Variants in DSC3 observed in about 807,000 individuals in gnomAD.
The protein encoded by DSC3 is desmocollin 3.
Under a neutral mutation model 89.5 loss-of-function variants are expected in DSC3, and 97 were observed. That is an observed-to-expected ratio of 1.08 (90% CI 0.92 to 1.28). The LOEUF is 1.28. Ranked by LOEUF, DSC3 falls within the 50% of genes most tolerant of loss-of-function variation. DSC3 has a pLI of 0.00. For missense variants in DSC3, 1,199 were observed against 1,085.3 expected, an observed-to-expected ratio of 1.10 and a Z score of -1.47; for synonymous variants, 436 against 384.1, an observed-to-expected ratio of 1.14 and a Z score of -1.58.
rs1461191388 is a variant in DSC3 at position 30,992,803 on chromosome 18, G to A, written c.*1372C>T. 6.6e-6 allele frequency: 1 copy of A among 152,196 alleles called. No homozygotes were observed. The highest frequency in any genetic ancestry group is 1.5e-5 in the Non-Finnish European group (1 of 68,032). The allele number at this position is 152,196 out of a possible 1,614,324, so 9.4% of individuals were successfully genotyped here. A position where few individuals can be genotyped will look rare whatever the true frequency, so the allele number is the denominator to read the frequency against. On this transcript the variant is annotated 3_prime_UTR_variant, in exon 16 of 16. Transcript: ENST00000360428. ...GATTAAAAATTAATTCACGCTGAAG[G>A]ATGGTGGAAAACCTGGAGTCACTTA...
chr18:31,029,074 A>G (rs959921684), intron 4 of DSC3, among the ~76,000 whole-genome samples: 2 of 152,128 alleles, frequency 1.3e-5, no homozygotes, highest in Admixed American at 1.3e-4. Context: ...CTCAGGGTTT[A>G]ATGTTCATCT....
intron 5 of DSC3, 25 bp from the exon 6 acceptor site, chr18:31,024,518 C>T (rs1299679574): frequency 6.2e-7 from 1 of 1,608,570 alleles, no homozygotes; most frequent in Non-Finnish European, 8.5e-7. Context: ...AAAGAAAGTT[C>T]CATTAATATC....
At chr18:31,001,836 A>G in intron 13 of DSC3, 97 bp from the exon 14 acceptor site, 1 of 965,298 alleles carries the variant, frequency 1.0e-6, no homozygotes, top group Non-Finnish European at 1.5e-6. Context: ...AAAGTGGAAA[A>G]TAAATCCACT....
chr18:30,998,311 G>A (rs1984544140), intron 14 of DSC3, among the ~76,000 whole-genome samples: 1 of 152,110 alleles, frequency 6.6e-6, no homozygotes, highest in African/African-American at 2.4e-5. Flanking sequence ...CAAGGACAGA[G>A]TTAGAAATTA....
At position 31,041,042 on chromosome 18, in the gene DSC3, G is replaced by T. The variant is rs150652438; in HGVS notation, c.69+1550C>A. On this transcript the variant is annotated intron_variant, in intron 1 of 15. Transcript: ENST00000360428. ...TTAAACGAGTATGTGCTAGATCAAA[G>T]CTGAAGCTTCCTCCGTTTAGATTTA... 3.7e-3 allele frequency among the ~76,000 whole-genome samples: 567 copies of T among 152,098 alleles called. 1 individual carries two copies. The highest frequency in any genetic ancestry group is 5.6e-3 in the Non-Finnish European group (380 of 68,004).
rs1190898979 is a variant in DSC3, at chr18:30,994,108, A to G, written c.*67T>C. ...TCATATACATACATGTTGAAATTGA[A>G]CTTTACAATATTATTTTTGGAAACC... is the stretch of plus-strand genomic sequence containing the variant. On this transcript the variant is annotated 3_prime_UTR_variant, in exon 16 of 16. Coordinates refer to ENST00000360428, the MANE Select transcript of DSC3 (RefSeq NM_001941.5). 1.9e-5 allele frequency: 28 copies of G among 1,465,334 alleles called. No homozygotes were observed. Among genetic ancestry groups the G allele is most frequent in the Non-Finnish European group, 2.6e-5 (27 of 1,047,922 alleles). The allele number at this position is 1,465,334 out of a possible 1,614,324, so 90.8% of individuals were successfully genotyped here.
intron 12 of DSC3, among the ~76,000 whole-genome samples, chr18:31,005,565 C>T (rs1984810245): frequency 6.6e-6 from 1 of 152,186 alleles, no homozygotes; most frequent in Admixed American, 6.5e-5. Context: ...CTTACTAAAA[C>T]CTTCTAAACT....
In DSC3 at chr18:31,006,952, T is replaced by C; in HGVS notation, c.1843A>G (p.Thr615Ala). 6.2e-7 allele frequency: 1 copy of C among 1,613,928 alleles called. No homozygotes were observed. The highest frequency in any genetic ancestry group is 8.5e-7 in the Non-Finnish European group (1 of 1,179,920). The change falls in exon 12 of 16, where the codon ACT becomes GCT. Residue 615 changes from threonine (T) to alanine (A), a missense_variant. Thr to Ala is a moderately conservative substitution (Grantham distance 58). Coordinates refer to ENST00000360428, the MANE Select transcript of DSC3 (RefSeq NM_001941.5). ...GAPFYFSLPN[T>A]SPEISRLWSL... ...CACAGTCTACTGATTTCTGGAGAAGTATTGGGCAAACTGAAATAAAATGGA... is the reference window on the plus strand; with the variant it reads ...CACAGTCTACTGATTTCTGGAGAAGCATTGGGCAAACTGAAATAAAATGGA...
intron 14 of DSC3, 112 bp downstream of exon 14, chr18:31,001,506 G>T: frequency 7.9e-7 from 1 of 1,270,798 alleles, no homozygotes; most frequent in Non-Finnish European, 1.1e-6. Flanking sequence ...CTATGCCTAT[G>T]AAATCTGATT....
intron 7 of DSC3, among the ~76,000 whole-genome samples, chr18:31,021,738 A>G (rs1013485082): frequency 3.3e-5 from 5 of 152,194 alleles, no homozygotes; most frequent in African/African-American, 9.6e-5. Context: ...CAAGTCAATC[A>G]ATGTTTCTGT....
At chr18:31,025,541 C>G (rs1318972409) in intron 5 of DSC3, among the ~76,000 whole-genome samples, 1 of 152,080 alleles carries the variant, frequency 6.6e-6, no homozygotes, top group Non-Finnish European at 1.5e-5. Flanking sequence ...AATTTATGTT[C>G]AAATATTGAA....
At chr18:31,014,572 C>A (rs1041637998) in intron 9 of DSC3, among the ~76,000 whole-genome samples, 2 of 152,026 alleles carry the variant, frequency 1.3e-5, no homozygotes, top group African/African-American at 4.8e-5. Flanking sequence ...AATAAAGAAT[C>A]TATTGACATT....
Position 30,994,332 on chromosome 18 carries a change from G to A in DSC3, c.2534C>T (p.Ser845Phe), listed in dbSNP as rs1211224287. The change falls in exon 16 of 16, where the codon TCC becomes TTC. Residue 845 changes from serine (S) to phenylalanine (F), a missense_variant. By Grantham distance (155) the Ser-to-Phe change is radical. Coordinates refer to ENST00000360428, the MANE Select transcript of DSC3 (RefSeq NM_001941.5). Reference sequence around the variant, plus strand: ...GTTATAAGTGAGGACATAATCTTGGGATGGCATGCGGTCTTCATTCTGATT... The same window carrying A: ...GTTATAAGTGAGGACATAATCTTGGAATGGCATGCGGTCTTCATTCTGATT... Reference protein sequence around the residue: ...RCNQNEDRMPSQDYVLTYNYE... With the variant: ...RCNQNEDRMPFQDYVLTYNYE... 6.2e-7 allele frequency: 1 copy of A among 1,614,046 alleles called. No homozygotes were observed. The highest frequency in any genetic ancestry group is 1.1e-5 in the South Asian group (1 of 91,074).
At chr18:31,036,004 T>C (rs1842854173) in intron 1 of DSC3, among the ~76,000 whole-genome samples, 1 of 152,162 alleles carries the variant, frequency 6.6e-6, no homozygotes, top group African/African-American at 2.4e-5. Context: ...GTACCACAGT[T>C]TATTTTTAGT....
At chr18:31,000,538 C>A (rs1392642455) in intron 14 of DSC3, among the ~76,000 whole-genome samples, 3 of 152,156 alleles carry the variant, frequency 2.0e-5, no homozygotes, top group Non-Finnish European at 4.4e-5. Flanking sequence ...ATTTAGAAGT[C>A]CTATCTCCCA....
rs1326029638 is a variant in DSC3 at position 31,022,319 on chromosome 18, T to C, written c.942+17A>G. 3 of 1,613,852 alleles carry C rather than the reference T, an allele frequency of 1.9e-6. No individual in the cohort carries two copies. The highest frequency in any genetic ancestry group is 2.5e-6 in the Non-Finnish European group (3 of 1,179,898). ...TAATCCTCAGCGAAATGAAATTCTA[T>C]GGAGTGTGTGAGCTACCTCTCTGTC... On this transcript the variant is annotated intron_variant, in intron 7 of 15. Coordinates refer to ENST00000360428, the MANE Select transcript of DSC3 (RefSeq NM_001941.5).
intron 15 of DSC3, among the ~76,000 whole-genome samples, chr18:30,995,013 C>G (rs962457249): frequency 6.6e-6 from 1 of 152,116 alleles, no homozygotes; most frequent in African/African-American, 2.4e-5. Flanking sequence ...AAAATATATA[C>G]ATGCATCGAA....
At chr18:31,016,436 G>A (rs1256616295) in intron 9 of DSC3, among the ~76,000 whole-genome samples, 1 of 152,206 alleles carries the variant, frequency 6.6e-6, no homozygotes, top group Admixed American at 6.5e-5. Flanking sequence ...GTGTCCAGGA[G>A]AACATTTAAC....
chr18:31,004,012 TA>T, intron 13 of DSC3, 129 bp downstream of exon 13: 1 of 691,836 alleles, frequency 1.4e-6, no homozygotes, highest in Non-Finnish European at 2.4e-6. Flanking sequence ...ACTCAGGTAA[TA>T]ATACAAAAGG....
Sources: allele counts gnomAD v4.1 joint callset (sites outside exome capture counted in the v4.1 genomes callset), GRCh38; gene constraint gnomAD v4.1.1; transcripts MANE v1.5; gene names NCBI Gene and HGNC (gene_info 2026-07-23, HGNC 2026-07-21).